PPP1R37: variants seen among roughly 807,000 people sequenced by gnomAD.
PPP1R37 encodes protein phosphatase 1 regulatory subunit 37.
Under a neutral mutation model 61.0 loss-of-function variants are expected in PPP1R37, and 21 were observed. The observed-to-expected ratio is 0.34, with a 90% CI of 0.24 to 0.50. The LOEUF (loss-of-function observed/expected upper bound fraction) is 0.50, where lower values mean the gene tolerates loss of function less well. Ranked by LOEUF, PPP1R37 falls within the 20% of genes least tolerant of loss-of-function variation. The pLI is 0.98. For missense variants in PPP1R37, 910 were observed against 952.7 expected (o/e 0.96, Z 0.59); for synonymous variants, 443 against 433.5 (o/e 1.02, Z -0.27).
Position 45,130,939 on chromosome 19 carries a change from C to T in PPP1R37, c.203-7575C>T, listed in dbSNP as rs1002753115. 6.6e-6 allele frequency among the ~76,000 whole-genome samples: 1 copy of T among 152,066 alleles called. No individual in the cohort carries two copies. Among genetic ancestry groups the T allele is most frequent in the Non-Finnish European group, 1.5e-5 (1 of 68,004 alleles). ...CCCTCCCACTGTGTCCCCCAGCCCG[C>T]ACAGTGTTGCTTCCTGGTGTTTTGA... is the stretch of plus-strand genomic sequence containing the variant. On this transcript the variant is annotated intron_variant, in intron 1 of 12. Transcript: ENST00000221462. This position sits in a 1 kb window ranked among gnomAD's most constrained non-coding sequence, Gnocchi z 4.4.
chr19:45,127,609 T>G (rs989255050), intron 1 of PPP1R37, among the ~76,000 whole-genome samples: 1 of 152,172 alleles, frequency 6.6e-6, no homozygotes, highest in African/African-American at 2.4e-5. Context: ...TTTATGCGGC[T>G]TATGACTAGA....
At chr19:45,099,568 T>C (rs961122937) in intron 1 of PPP1R37, among the ~76,000 whole-genome samples, 1 of 152,232 alleles carries the variant, frequency 6.6e-6, no homozygotes, top group Non-Finnish European at 1.5e-5. Context: ...TCCTCTGCCC[T>C]CCCAGGCCCT....
intron 1 of PPP1R37, among the ~76,000 whole-genome samples, chr19:45,116,841 G>A (rs1968273881): frequency 6.6e-6 from 1 of 152,032 alleles, no homozygotes; most frequent in Admixed American, 6.5e-5. Flanking sequence ...TTGTCTGGGT[G>A]TGGTGTGGGG....
intron 1 of PPP1R37, chr19:45,129,042 AG>A: frequency 1.3e-6 from 1 of 779,460 alleles, no homozygotes; most frequent in Non-Finnish European, 2.2e-6. Flanking sequence ...ACTGGCTCCC[AG>A]GGTGACAGTG....
intron 1 of PPP1R37, among the ~76,000 whole-genome samples, chr19:45,131,105 G>A (rs1328386398): frequency 6.6e-6 from 1 of 152,206 alleles, no homozygotes; most frequent in Non-Finnish European, 1.5e-5. Context: ...ATGCCAGACA[G>A]ACATCTCTCT....
intron 1 of PPP1R37, among the ~76,000 whole-genome samples, chr19:45,129,525 C>A (rs1024535078): frequency 3.9e-5 from 6 of 152,174 alleles, no homozygotes; most frequent in Non-Finnish European, 7.3e-5. Context: ...TCTTGAACTC[C>A]TGACCTCGTG....
In PPP1R37 at chr19:45,113,502, C is replaced by T. The variant is rs1300005689; in HGVS notation, c.202+19975C>T. Reference sequence around the variant, plus strand: ...TAGTCAGTGGCAAATCTGAACTTCACTCCTGGCAGCCAGAGCCCAGCCCCT... The same window carrying T: ...TAGTCAGTGGCAAATCTGAACTTCATTCCTGGCAGCCAGAGCCCAGCCCCT... On this transcript the variant is annotated intron_variant, in intron 1 of 12. Transcript: ENST00000221462. 2.0e-5 allele frequency among the ~76,000 whole-genome samples: 3 copies of T among 152,232 alleles called. No homozygotes were observed. In the East Asian group the frequency reaches 5.8e-4, roughly 29 times the overall value.
intron 1 of PPP1R37, among the ~76,000 whole-genome samples, chr19:45,134,797 G>A (rs116077103): frequency 1.4e-4 from 21 of 152,168 alleles, no homozygotes; most frequent in African/African-American, 4.3e-4. Context: ...TGACCTCCTC[G>A]GTCTCTGACT....
intron 8 of PPP1R37, chr19:45,143,875 G>A: frequency 2.8e-6 from 1 of 351,992 alleles, no homozygotes; most frequent in Non-Finnish European, 5.3e-6. Context: ...CTGTCACCCA[G>A]GCTGGAGTGC....
At chr19:45,146,217 TG>T in intron 11 of PPP1R37, 168 bp downstream of exon 11, 1 of 939,538 alleles carries the variant, frequency 1.1e-6, no homozygotes, top group Non-Finnish European at 1.6e-6. Flanking sequence ...CCTTGGGTCC[TG>T]GGAGCTCTTC....
chr19:45,116,460 C>G (rs1968268566), intron 1 of PPP1R37, among the ~76,000 whole-genome samples: 1 of 152,214 alleles, frequency 6.6e-6, no homozygotes, highest in South Asian at 2.1e-4. Flanking sequence ...GGTGGTGCCT[C>G]CCTGCCGGGA....
rs978480681 is a variant in PPP1R37 at position 45,130,471 on chromosome 19, C to T, written c.203-8043C>T. Among the ~76,000 whole-genome samples the T allele has an allele frequency of 2.0e-5, 3 of 152,168 alleles. No homozygotes were observed. Among genetic ancestry groups the T allele is most frequent in the Non-Finnish European group, 4.4e-5 (3 of 68,030 alleles). On this transcript the variant is annotated intron_variant, in intron 1 of 12. Coordinates refer to ENST00000221462, the MANE Select transcript of PPP1R37 (RefSeq NM_019121.2). The surrounding 1 kb of genome is among the most constrained non-coding windows in gnomAD (Gnocchi z 4.4). ...GCCTGCTCCCACCGTCACACTTAAG[C>T]CTGCCCCAGTGGTTGCTGCCTGCCA...
At chr19:45,143,872 C>G (rs1968647460) in intron 8 of PPP1R37, 2 of 361,160 alleles carry the variant, frequency 5.5e-6, no homozygotes, top group Non-Finnish European at 1.0e-5. Context: ...ATCCTGTCAC[C>G]CAGGCTGGAG....
At chr19:45,143,743 C>T (rs916960559) in intron 8 of PPP1R37, 110 bp downstream of exon 8, 20 of 617,266 alleles carry the variant, frequency 3.2e-5, no homozygotes, top group Admixed American at 7.9e-5. Flanking sequence ...GCCCATCCTG[C>T]AGGTTCAAGA....
chr19:45,112,626 T>C (rs1256068515), intron 1 of PPP1R37, among the ~76,000 whole-genome samples: 1 of 152,178 alleles, frequency 6.6e-6, no homozygotes, highest in Non-Finnish European at 1.5e-5. Context: ...AGATGGTCCC[T>C]CTTTCAGGAC....
chr19:45,101,721 A>AAT (rs1764998398), intron 1 of PPP1R37, among the ~76,000 whole-genome samples: 2 of 80,688 alleles, frequency 2.5e-5, no homozygotes, highest in African/African-American at 1.2e-4. Context: ...CTGTCTCAAA[A>AAT]GAAAAAGGAG....
intron 8 of PPP1R37, chr19:45,144,637 G>C: frequency 1.9e-6 from 1 of 539,960 alleles, no homozygotes; most frequent in South Asian, 2.6e-5. Context: ...GGAGCTGGGA[G>C]TGGACGGGGG....
chr19:45,103,593 C>T (rs1041417652), intron 1 of PPP1R37, among the ~76,000 whole-genome samples: 2 of 150,392 alleles, frequency 1.3e-5, no homozygotes, highest in Non-Finnish European at 3.0e-5. Flanking sequence ...AAAGCACTGT[C>T]ACAGCTGAAC....
chr19:45,128,330 G>T (rs1054774221), intron 1 of PPP1R37, among the ~76,000 whole-genome samples: 1 of 152,170 alleles, frequency 6.6e-6, no homozygotes, highest in Non-Finnish European at 1.5e-5. Context: ...AGGCTCATTT[G>T]TTTATATACT....
Sources: gnomAD v4.1 joint callset for allele counts (sites outside exome capture counted in the v4.1 genomes callset) on GRCh38, gnomAD v4.1.1 for gene constraint, Gnocchi (gnomAD v3.1) non-coding constraint, MANE v1.5 for transcripts, NCBI Gene and HGNC (gene_info 2026-07-23, HGNC 2026-07-21) for gene names.